TNRC6A: variants seen among roughly 807,000 people sequenced by gnomAD.
TNRC6A encodes the protein trinucleotide repeat containing adaptor 6A, also known as trinucleotide repeat-containing gene 6A protein.
Under a neutral mutation model 221.2 loss-of-function variants are expected in TNRC6A, and 44 were observed. The observed-to-expected ratio is 0.20, with a 90% CI of 0.16 to 0.26. The LOEUF is 0.26. TNRC6A is among the 10% of genes least tolerant of loss of function. The probability of loss-of-function intolerance (pLI) is 1.00; values close to 1 mark genes in which losing one functional copy is unlikely to be tolerated. For synonymous variants in TNRC6A, 847 were observed against 838.5 expected (o/e 1.01, Z -0.18); for missense variants, 2,199 against 2,404.4 (o/e 0.91, Z 1.79).
At chr16:24,613,376 A>C (rs1900162116) in intron 1 of TNRC6A, among the ~76,000 whole-genome samples, 1 of 151,834 alleles carries the variant, frequency 6.6e-6, no homozygotes, top group Non-Finnish European at 1.5e-5. Context: ...GATTATGTGG[A>C]GCTCCAAAGC....
intron 1 of TNRC6A, among the ~76,000 whole-genome samples, chr16:24,627,137 G>A (rs1040760101): frequency 3.3e-5 from 5 of 151,878 alleles, no homozygotes; most frequent in Admixed American, 6.6e-5. Context: ...TATTATCTGG[G>A]GTACTGCTCA....
At chr16:24,812,386 A>G (rs560472605) in intron 18 of TNRC6A, among the ~76,000 whole-genome samples, 2 of 152,176 alleles carry the variant, frequency 1.3e-5, no homozygotes, top group South Asian at 4.2e-4. Context: ...GAGAACAGGG[A>G]GTTGAGACAA....
chr16:24,751,085 T>G (rs1055513074), intron 3 of TNRC6A, among the ~76,000 whole-genome samples: 1 of 152,184 alleles, frequency 6.6e-6, no homozygotes, highest in Non-Finnish European at 1.5e-5. Flanking sequence ...TGTTTCATAA[T>G]ATATCATTTT....
At chr16:24,740,063 C>A (rs2056859580) in intron 2 of TNRC6A, among the ~76,000 whole-genome samples, 2 of 152,138 alleles carry the variant, frequency 1.3e-5, no homozygotes, top group African/African-American at 4.8e-5. Context: ...CATCTTGGCA[C>A]CCTGTTGAAG....
At chr16:24,799,721 G>A (rs2058294166) in intron 11 of TNRC6A, among the ~76,000 whole-genome samples, 1 of 152,174 alleles carries the variant, frequency 6.6e-6, no homozygotes, top group South Asian at 2.1e-4. Context: ...ATTGGTATCT[G>A]TGCCTTCCTC....
rs34391039 is a variant in TNRC6A, at chr16:24,801,533, C to CTTT, written c.3695-2628_3695-2626dup. Among the ~76,000 whole-genome samples, 45 of 121,570 alleles carry CTTT rather than the reference C, an allele frequency of 3.7e-4. 2 individuals carry two copies. The highest frequency in any genetic ancestry group is 1.1e-3 in the African/African-American group (36 of 33,758). 79.8% of individuals were successfully genotyped at this position (121,570 alleles called of 152,430 possible). On this transcript the variant is annotated intron_variant, in intron 11 of 24. Coordinates refer to ENST00000395799, the MANE Select transcript of TNRC6A (RefSeq NM_014494.4). Reference sequence around the variant, plus strand: ...TGGAAAAAATGTAACATGCTACTCTCTTTTTTTTTTTTTTTTTTGAGTTGG... The same window carrying CTTT: ...TGGAAAAAATGTAACATGCTACTCTCTTTTTTTTTTTTTTTTTTTTTGAGTTGG...
intron 18 of TNRC6A, among the ~76,000 whole-genome samples, chr16:24,809,908 G>A (rs1360862320): frequency 1.3e-5 from 2 of 152,190 alleles, no homozygotes; most frequent in Non-Finnish European, 2.9e-5. Context: ...CTGCTCCCGG[G>A]TTCAAGCAGT....
At chr16:24,642,190 G>C (rs1288043050) in intron 2 of TNRC6A, among the ~76,000 whole-genome samples, 1 of 152,214 alleles carries the variant, frequency 6.6e-6, no homozygotes, top group African/African-American at 2.4e-5. Flanking sequence ...TCTCAGCAAA[G>C]GCGGTGTGAG....
At chr16:24,712,161 T>A (rs2056217669) in intron 2 of TNRC6A, among the ~76,000 whole-genome samples, 1 of 152,178 alleles carries the variant, frequency 6.6e-6, no homozygotes, top group South Asian at 2.1e-4. Context: ...TAACTTTTTT[T>A]GTTTTTAAGA....
At chr16:24,629,841 C>T (rs1362120445) in intron 1 of TNRC6A, among the ~76,000 whole-genome samples, 4 of 151,952 alleles carry the variant, frequency 2.6e-5, no homozygotes, top group Non-Finnish European at 4.4e-5. Context: ...TGTGCTGGTG[C>T]GTGCCTGTTA....
chr16:24,737,331 A>G (rs750002698), intron 2 of TNRC6A, among the ~76,000 whole-genome samples: 2 of 152,178 alleles, frequency 1.3e-5, no homozygotes, highest in Non-Finnish European at 2.9e-5. Flanking sequence ...AGGAAGTAAT[A>G]TTCGACTAAG....
At chr16:24,747,275 G>A (rs74801283) in intron 2 of TNRC6A, among the ~76,000 whole-genome samples, 1 of 152,270 alleles carries the variant, frequency 6.6e-6, no homozygotes, top group Non-Finnish European at 1.5e-5. Flanking sequence ...CATTTTCCTA[G>A]AAAGTTCCCT....
chr16:24,701,040 C>T (rs771193091), intron 2 of TNRC6A, among the ~76,000 whole-genome samples: 1 of 152,204 alleles, frequency 6.6e-6, no homozygotes, highest in Non-Finnish European at 1.5e-5. Context: ...GGACTTGGGT[C>T]AGCCCTAGCC....
At chr16:24,754,236 T>TAGA (rs1353375001) in intron 3 of TNRC6A, among the ~76,000 whole-genome samples, 5 of 152,266 alleles carry the variant, frequency 3.3e-5, no homozygotes, top group African/African-American at 1.2e-4. Context: ...TAAAAACAAT[T>TAGA]AGACACCGAC....
chr16:24,753,324 A>G (rs924712736), intron 3 of TNRC6A, among the ~76,000 whole-genome samples: 5 of 152,194 alleles, frequency 3.3e-5, no homozygotes, highest in African/African-American at 1.2e-4. Flanking sequence ...CTTTTGCCAG[A>G]TCTTCAGCAC....
chr16:24,820,420 A>T, intron 22 of TNRC6A, 60 bp downstream of exon 22: 1 of 1,485,768 alleles, frequency 6.7e-7, no homozygotes, highest in Non-Finnish European at 9.4e-7. Flanking sequence ...AACCAGTACT[A>T]ACAGTCGAGT....
chr16:24,689,025 A>G (rs1185902525), intron 2 of TNRC6A, among the ~76,000 whole-genome samples: 1 of 152,192 alleles, frequency 6.6e-6, no homozygotes, highest in Non-Finnish European at 1.5e-5. Flanking sequence ...ATAATCATGC[A>G]ACTGCACTCT....
At chr16:24,786,693 T>C (rs2057977888) in intron 5 of TNRC6A, among the ~76,000 whole-genome samples, 1 of 152,072 alleles carries the variant, frequency 6.6e-6, no homozygotes. Context: ...TTGTTGTTTT[T>C]GTGTTTTGAG....
intron 5 of TNRC6A, among the ~76,000 whole-genome samples, chr16:24,781,043 CTTTTTTT>C (rs35502747): frequency 6.7e-4 from 36 of 53,430 alleles, no homozygotes; most frequent in African/African-American, 2.1e-3. Flanking sequence ...CCTCCATACT[CTTTTTTT>C]TTTTTTTTTT....
Sources: allele counts gnomAD v4.1 joint callset (sites outside exome capture counted in the v4.1 genomes callset), GRCh38; gene constraint gnomAD v4.1.1; transcripts MANE v1.5; gene names NCBI Gene and HGNC (gene_info 2026-07-23, HGNC 2026-07-21).